YLPM1: variants seen among roughly 807,000 people sequenced by gnomAD.
The protein encoded by YLPM1 is YLP motif-containing protein 1.
Under a neutral mutation model 230.0 loss-of-function variants are expected in YLPM1, and 99 were observed. The ratio of observed to expected loss-of-function variants is 0.43; its 90% CI spans 0.37 to 0.51. The LOEUF (loss-of-function observed/expected upper bound fraction) is 0.51, where lower values mean the gene tolerates loss of function less well. Among genes scored for constraint, YLPM1 ranks in the 20% least tolerant of loss-of-function variants. YLPM1 has a pLI of 0.00. For synonymous variants in YLPM1, 984 were observed against 942.5 expected (o/e 1.04, Z -0.81); for missense variants, 2,592 against 2,707.7 (o/e 0.96, Z 0.95).
intron 16 of YLPM1, among the ~76,000 whole-genome samples, chr14:74,820,528 G>A (rs1218297588): frequency 2.0e-5 from 3 of 152,076 alleles, no homozygotes; most frequent in Admixed American, 6.6e-5. Flanking sequence ...GATTATAGGC[G>A]TGAGCCACTG....
intron 11 of YLPM1, among the ~76,000 whole-genome samples, chr14:74,814,028 G>A (rs1218378889): frequency 6.6e-6 from 1 of 152,122 alleles, no homozygotes; most frequent in African/African-American, 2.4e-5. Flanking sequence ...TTCTTGTCTT[G>A]TATCTGATTT....
chr14:74,818,236 T>C lies in YLPM1; in HGVS notation c.5952T>C (p.Ala1984=). 7 of 1,600,214 alleles carry C rather than the reference T, an allele frequency of 4.4e-6. No individual in the cohort carries two copies. Among genetic ancestry groups the C allele is most frequent in the Non-Finnish European group, 6.0e-6 (7 of 1,173,504 alleles). ...CCATCTGAATTTTTCAATAGATGGC[T>C]GATCACTGGGAAACTGCACCTCGTC... The part of the protein sequence containing the change: ...GRKLKEINKM[A]DHWETAPRHM... The change falls in exon 16 of 21, where the codon GCT becomes GCC. Residue 1984 remains alanine (A), a synonymous_variant. Transcript: ENST00000325680.
rs767630526 is a variant in YLPM1, at chr14:74,799,594, G to A, written c.4297G>A (p.Asp1433Asn). 9.3e-6 allele frequency: 15 copies of A among 1,613,828 alleles called. No individual in the cohort carries two copies. The East Asian group carries it at 1.8e-4, about 19-fold the overall frequency. Residue 1433 changes from aspartate (D) to asparagine (N), a missense_variant, in exon 5 of 21, where the codon GAT becomes AAT. Asp to Asn is a conservative substitution (Grantham distance 23). Around this residue, in one of 4 missense-constraint regions of YLPM1, gnomAD observed 1,862 missense variants for 1,819.8 expected, o/e 1.02. Coordinates refer to ENST00000325680, the MANE Select transcript of YLPM1 (RefSeq NM_019589.3). ...TCATTCCTCAGAAATGATGGGGTCC[G>A]ATGCAAGCTTAGACTCTGACCAAGG... is the stretch of plus-strand genomic sequence containing the variant. ...SHHSSEMMGS[D>N]ASLDSDQGLG...
rs1319291309 is a variant in YLPM1, at chr14:74,797,980, G to A, written c.2683G>A (p.Ala895Thr). The A allele has an allele frequency of 1.2e-6, 2 of 1,613,698 alleles. No homozygotes were observed. Among genetic ancestry groups the A allele is most frequent in the African/African-American group, 1.3e-5 (1 of 74,886 alleles). Residue 895 changes from alanine (A) to threonine (T), a missense_variant, in exon 5 of 21, where the codon GCG becomes ACG. Transcript: ENST00000325680. Reference protein sequence around the residue: ...SIAADVKDVKAAQSNENLSDS... With the variant: ...SIAADVKDVKTAQSNENLSDS... ...TGCTGCAGATGTAAAGGATGTCAAGGCGGCTCAGTCAAATGAGAATCTAAG... is the reference window on the plus strand; with the variant it reads ...TGCTGCAGATGTAAAGGATGTCAAGACGGCTCAGTCAAATGAGAATCTAAG...
At position 74,781,513 on chromosome 14, in the gene YLPM1, A is replaced by G; in HGVS notation, c.1470A>G (p.Lys490=). The G allele has an allele frequency of 1.9e-6, 3 of 1,613,964 alleles. No homozygotes were observed. In the South Asian group the frequency reaches 3.3e-5, roughly 18 times the overall value. The change falls in exon 4 of 21, where the codon AAA becomes AAG. Residue 490 remains lysine (K), a synonymous_variant. Transcript: ENST00000325680. ...GGAAAACATGGCAGGGACATATGAA[A>G]GCCACTCAGAGCTATCTCCAGGAGA... The part of the protein sequence containing the change: ...KQWKTWQGHM[K]ATQSYLQEKV...
At chr14:74,829,113 A>G (rs1375849871) in intron 18 of YLPM1, 100 bp from the exon 19 acceptor site, 1 of 1,419,990 alleles carries the variant, frequency 7.0e-7, no homozygotes, top group Non-Finnish European at 9.6e-7. Context: ...AAATGTGGAT[A>G]TGCCCTCTGA....
At chr14:74,767,057 T>C (rs1056704958) in intron 1 of YLPM1, among the ~76,000 whole-genome samples, 1 of 151,826 alleles carries the variant, frequency 6.6e-6, no homozygotes, top group African/African-American at 2.4e-5. Context: ...CTAATTTTTG[T>C]ATTTTTAGTA....
Position 74,798,129 on chromosome 14 carries a change from T to C in YLPM1, c.2832T>C (p.Pro944=), listed in dbSNP as rs1327253982. ...QIDKAQAVTQ[P]VPLANKPVPA... ...ACAAAGCCCAAGCTGTTACTCAGCC[T>C]GTACCCCTTGCGAATAAGCCTGTAC... Residue 944 remains proline (P), a synonymous_variant, in exon 5 of 21, where the codon CCT becomes CCC. Coordinates refer to ENST00000325680, the MANE Select transcript of YLPM1 (RefSeq NM_019589.3). 1.2e-6 allele frequency: 2 copies of C among 1,614,014 alleles called. No homozygotes were observed. The highest frequency in any genetic ancestry group is 1.7e-6 in the Non-Finnish European group (2 of 1,179,900).
chr14:74,804,915 C>T (rs2091361975), intron 6 of YLPM1, among the ~76,000 whole-genome samples: 1 of 151,874 alleles, frequency 6.6e-6, no homozygotes, highest in South Asian at 2.1e-4. Flanking sequence ...TGAATTAATT[C>T]AATTTCTGTT....
chr14:74,765,855 C>T (rs2090906395), intron 1 of YLPM1, among the ~76,000 whole-genome samples: 2 of 152,226 alleles, frequency 1.3e-5, no homozygotes, highest in South Asian at 4.1e-4. Context: ...ATATTCAGTG[C>T]CTGCAATTCT....
chr14:74,809,905 ACCAGATATAT>A lies in YLPM1; in HGVS notation c.4940-1_4948del. The A allele has an allele frequency of 6.2e-7, 1 of 1,606,106 alleles. No individual in the cohort carries two copies. Among genetic ancestry groups the A allele is most frequent in the Non-Finnish European group, 8.5e-7 (1 of 1,176,288 alleles). On this transcript the variant is annotated splice_acceptor_variant and splice_polypyrimidine_tract_variant and coding_sequence_variant and intron_variant, in exon 8 of 21. Transcript: ENST00000325680. LOFTEE classifies it high-confidence loss of function. ...CAGTACTTTATCTCTGATTTTGTTT[ACCAGATATAT>A]CCACTAATAAAGTTGAACAGATACC...
At chr14:74,766,636 A>ATTTTTT (rs34932979) in intron 1 of YLPM1, among the ~76,000 whole-genome samples, 1 of 110,360 alleles carries the variant, frequency 9.1e-6, no homozygotes, top group African/African-American at 3.5e-5. Context: ...ATGCCTGGCT[A>ATTTTTT]TTTTTTTTTT....
chr14:74,810,785 A>C (rs367943126), intron 9 of YLPM1, among the ~76,000 whole-genome samples: 31 of 152,164 alleles, frequency 2.0e-4, no homozygotes, highest in African/African-American at 6.7e-4. Flanking sequence ...GAAAAGGGAA[A>C]GGGGGGCAAG....
At chr14:74,785,191 CTT>C (rs940510132) in intron 4 of YLPM1, among the ~76,000 whole-genome samples, 16 of 152,072 alleles carry the variant, frequency 1.1e-4, no homozygotes, top group African/African-American at 3.9e-4. Context: ...TTTTCTAAGA[CTT>C]TACATTTCTC....
In YLPM1 at chr14:74,804,506, C is replaced by T. The variant is rs551288511; in HGVS notation, c.4521+1830C>T. On this transcript the variant is annotated intron_variant, in intron 6 of 20. Transcript: ENST00000325680. The stretch of plus-strand genomic sequence containing the variant: ...AATGTGCTAGATTCTTTTACTTCTT[C>T]ATTCCTTTGCGTATGCATGTTGTTC... 4.6e-5 allele frequency among the ~76,000 whole-genome samples: 7 copies of T among 152,330 alleles called. No individual in the cohort carries two copies. In the South Asian group the frequency reaches 1.5e-3, roughly 32 times the overall value.
chr14:74,779,398 T>C (rs1344075766), intron 2 of YLPM1, among the ~76,000 whole-genome samples: 4 of 152,142 alleles, frequency 2.6e-5, no homozygotes, highest in Admixed American at 6.5e-5. Flanking sequence ...GCAAAATGGG[T>C]ATATTCAATA....
chr14:74,763,611 C>G lies in YLPM1; in HGVS notation c.122C>G (p.Thr41Ser). Residue 41 changes from threonine (T) to serine (S), a missense_variant, in exon 1 of 21, where the codon ACT becomes AGT. Physicochemically the swap from Thr to Ser is moderately conservative, Grantham distance 58. Transcript: ENST00000325680. ...SPGPGYSSST[T>S]PAAPSSSGFM... is the part of the protein sequence containing the mutation. ...GGGCCCGGGTACTCGAGCTCGACGA[C>G]TCCCGCGGCCCCCTCCTCCTCGGGC... 6.3e-7 allele frequency: 1 copy of G among 1,592,410 alleles called. No homozygotes were observed. Among genetic ancestry groups the G allele is most frequent in the Non-Finnish European group, 8.6e-7 (1 of 1,168,716 alleles).
intron 4 of YLPM1, among the ~76,000 whole-genome samples, chr14:74,793,045 G>T (rs115803703): frequency 0.018 from 2,751 of 152,232 alleles, 93 homozygotes; most frequent in African/African-American, 0.063. Flanking sequence ...CTATCACATT[G>T]TGTAGGTGTT....
chr14:74,771,896 T>C (rs2090980313), intron 1 of YLPM1, among the ~76,000 whole-genome samples: 1 of 152,240 alleles, frequency 6.6e-6, no homozygotes, highest in Non-Finnish European at 1.5e-5. Context: ...CTGGTGACCC[T>C]GATTCTTACA....
Sources: gnomAD v4.1 joint callset for allele counts (sites outside exome capture counted in the v4.1 genomes callset) on GRCh38, gnomAD v4.1.1 for gene constraint, gnomAD v4.1.1 regional missense constraint, MANE v1.5 for transcripts, NCBI Gene and HGNC (gene_info 2026-07-23, HGNC 2026-07-21) for gene names.